RNF220: variants seen among roughly 807,000 people sequenced by gnomAD.
RNF220 encodes ring finger protein 220.
RNF220 carries 7 observed loss-of-function variants against 67.1 expected under a neutral mutation model. The ratio of observed to expected loss-of-function variants is 0.10; its 90% CI spans 0.06 to 0.20. The LOEUF (loss-of-function observed/expected upper bound fraction) is 0.20. Ranked by LOEUF, RNF220 falls within the 10% of genes least tolerant of loss-of-function variation. The probability of loss-of-function intolerance (pLI) is 1.00; values close to 1 mark genes in which losing one functional copy is unlikely to be tolerated. For missense variants in RNF220, 565 were observed against 740.3 expected, an observed-to-expected ratio of 0.76 and a Z score of 2.75; for synonymous variants, 270 against 283.2, an observed-to-expected ratio of 0.95 and a Z score of 0.47.
chr1:44,622,496 T>G lies in RNF220; in HGVS notation c.759-246T>G, dbSNP rs1013016164. 6.6e-6 allele frequency among the ~76,000 whole-genome samples: 1 copy of G among 152,178 alleles called. No individual in the cohort carries two copies. Among genetic ancestry groups the G allele is most frequent in the African/African-American group, 2.4e-5 (1 of 41,446 alleles). On this transcript the variant is annotated intron_variant, in intron 3 of 14. Transcript: ENST00000361799. This position sits in a 1 kb window ranked among gnomAD's most constrained non-coding sequence, Gnocchi z 4.3. ...TTCAGATCCACTGGGAAATCTACCA[T>G]GCCTAGTGTCTGTGTCTCCCTCCCA... is the stretch of plus-strand genomic sequence containing the variant.
chr1:44,593,195 C>T (rs1253476577), intron 2 of RNF220, among the ~76,000 whole-genome samples: 1 of 152,188 alleles, frequency 6.6e-6, no homozygotes, highest in African/African-American at 2.4e-5. Flanking sequence ...CTGTTCCATC[C>T]CATGCCCTAG....
chr1:44,540,578 G>A (rs1661597295), intron 2 of RNF220, among the ~76,000 whole-genome samples: 1 of 152,146 alleles, frequency 6.6e-6, no homozygotes, highest in African/African-American at 2.4e-5. Flanking sequence ...CTTCTATGGG[G>A]AAGTTATTTA....
At chr1:44,644,835 GCAGGCA>G in intron 9 of RNF220, 41 bp downstream of exon 9, 1 of 1,563,278 alleles carries the variant, frequency 6.4e-7, no homozygotes, top group African/African-American at 1.3e-5. Context: ...GGCTGATAGG[GCAGGCA>G]CAGGGAATAA....
chr1:44,556,179 CG>C (rs1663066936), intron 2 of RNF220, among the ~76,000 whole-genome samples: 1 of 149,936 alleles, frequency 6.7e-6, no homozygotes, highest in Admixed American at 6.6e-5. Flanking sequence ...GGATTACAGG[CG>C]TGCATCACCA....
chr1:44,502,157 T>TCACACACA (rs57102316), intron 2 of RNF220, among the ~76,000 whole-genome samples: 1 of 144,072 alleles, frequency 6.9e-6, no homozygotes, highest in African/African-American at 2.6e-5. Flanking sequence ...TCTCTCTCTC[T>TCACACACA]CACACACACA....
At chr1:44,628,734 T>C (rs1379850996) in intron 5 of RNF220, among the ~76,000 whole-genome samples, 2 of 152,244 alleles carry the variant, frequency 1.3e-5, no homozygotes, top group Admixed American at 6.5e-5. Flanking sequence ...CTTGCCTCTA[T>C]GTCTTTTCAC....
At chr1:44,559,469 T>C (rs1663385112) in intron 2 of RNF220, among the ~76,000 whole-genome samples, 1 of 152,248 alleles carries the variant, frequency 6.6e-6, no homozygotes, top group East Asian at 1.9e-4. Flanking sequence ...GAAAAAGCTG[T>C]GCTCGGCTTA....
Position 44,468,955 on chromosome 1 carries a change from A to G in RNF220, c.625+56233A>G, listed in dbSNP as rs555352281. 2.6e-5 allele frequency among the ~76,000 whole-genome samples: 4 copies of G among 152,308 alleles called. 1 individual carries two copies. The highest frequency in any genetic ancestry group is 9.6e-5 in the African/African-American group (4 of 41,564). On this transcript the variant is annotated intron_variant, in intron 2 of 14. Coordinates refer to ENST00000361799, the MANE Select transcript of RNF220 (RefSeq NM_018150.4). ...TAGAATTGTTTAGATGCCAAAAACA[A>G]TATCAGAAGATCAACAACAAACTGG...
chr1:44,536,082 C>T (rs939357780), intron 2 of RNF220, among the ~76,000 whole-genome samples: 3 of 152,104 alleles, frequency 2.0e-5, no homozygotes, highest in Non-Finnish European at 4.4e-5. Context: ...CTTCCCAATT[C>T]CAGGGCCTTC....
chr1:44,433,439 A>T (rs1650624753), intron 2 of RNF220, among the ~76,000 whole-genome samples: 1 of 152,200 alleles, frequency 6.6e-6, no homozygotes, highest in Non-Finnish European at 1.5e-5. Flanking sequence ...TCCTTCCTGC[A>T]TTCATGCAGT....
chr1:44,578,891 T>C (rs796989914), intron 2 of RNF220, among the ~76,000 whole-genome samples: 12 of 152,206 alleles, frequency 7.9e-5, no homozygotes, highest in African/African-American at 2.6e-4. Flanking sequence ...TCAGGCCGGG[T>C]GCGGTGGCTC....
In RNF220 at chr1:44,624,901, AT is replaced by A. The variant is rs996243895; in HGVS notation, c.805-1388del. 8.4e-4 allele frequency among the ~76,000 whole-genome samples: 128 copies of A among 152,196 alleles called. No individual in the cohort carries two copies. The highest frequency in any genetic ancestry group is 7.5e-4 in the Non-Finnish European group (51 of 67,982). On this transcript the variant is annotated intron_variant, in intron 4 of 14. Transcript: ENST00000361799. The surrounding 1 kb of genome is among the most constrained non-coding windows in gnomAD (Gnocchi z 4.2). ...CAAAAAGTCATGATTTAATGCCGGG[AT>A]TTTTTTTCAAAACACATTTTACTGC...
At chr1:44,632,621 C>G (rs778717807) in intron 6 of RNF220, 314 of 579,790 alleles carry the variant, frequency 5.4e-4, no homozygotes, top group Non-Finnish European at 8.3e-4. Context: ...CCTGAAGAAC[C>G]CTGGGGGGGC....
chr1:44,633,186 G>T (rs1049794819), intron 6 of RNF220, among the ~76,000 whole-genome samples: 8 of 152,170 alleles, frequency 5.3e-5, no homozygotes, highest in Non-Finnish European at 2.9e-5. Flanking sequence ...TCTGGAAAAG[G>T]GAGAAATTCA....
At chr1:44,602,884 C>T (rs1032834422) in intron 2 of RNF220, among the ~76,000 whole-genome samples, 2 of 152,036 alleles carry the variant, frequency 1.3e-5, no homozygotes, top group South Asian at 2.1e-4. Flanking sequence ...GCCAGCCAGT[C>T]GTCCCTCCCT....
intron 2 of RNF220, among the ~76,000 whole-genome samples, chr1:44,520,290 G>A (rs949087755): frequency 2.6e-5 from 4 of 151,866 alleles, no homozygotes; most frequent in South Asian, 4.2e-4. Flanking sequence ...GTGAAACCCC[G>A]TCTCTACTAA....
At chr1:44,528,326 A>G (rs899807951) in intron 2 of RNF220, among the ~76,000 whole-genome samples, 1 of 150,466 alleles carries the variant, frequency 6.6e-6, no homozygotes, top group Non-Finnish European at 1.5e-5. Context: ...TTTGAGACGG[A>G]GTCTCACTCT....
chr1:44,484,865 C>A (rs189623532), intron 2 of RNF220, among the ~76,000 whole-genome samples: 2 of 152,154 alleles, frequency 1.3e-5, no homozygotes, highest in African/African-American at 4.8e-5. Flanking sequence ...CTCTGACAGC[C>A]GGGCACGGTG....
intron 2 of RNF220, among the ~76,000 whole-genome samples, chr1:44,612,445 T>C (rs1185255039): frequency 6.6e-6 from 1 of 152,226 alleles, no homozygotes; most frequent in African/African-American, 2.4e-5. Context: ...GGTTAAACCT[T>C]CTCTTTTTTC....
Sources: allele counts gnomAD v4.1 joint callset (sites outside exome capture counted in the v4.1 genomes callset), GRCh38; gene constraint gnomAD v4.1.1; non-coding constraint Gnocchi (gnomAD v3.1); transcripts MANE v1.5; gene names NCBI Gene and HGNC (gene_info 2026-07-23, HGNC 2026-07-21).